The following MAD1L1 variants were observed in gnomAD, a reference collection of about 807,000 sequenced individuals.
MAD1L1 encodes the protein mitotic arrest deficient 1 like 1.
In MAD1L1, 95 loss-of-function variants were observed where a neutral mutation model predicts 96.9. The observed-to-expected ratio is 0.98, with a 90% CI of 0.83 to 1.16. The LOEUF (loss-of-function observed/expected upper bound fraction) is 1.16, where lower values mean the gene tolerates loss of function less well. Ranked by LOEUF, MAD1L1 falls within the 50% of genes most tolerant of loss-of-function variation. MAD1L1 has a pLI of 0.00. For synonymous variants in MAD1L1, 473 were observed against 396.6 expected, an observed-to-expected ratio of 1.19 and a Z score of -2.29; for missense variants, 1,007 against 954.4, an observed-to-expected ratio of 1.06 and a Z score of -0.73.
intron 13 of MAD1L1, among the ~76,000 whole-genome samples, chr7:2,009,555 C>T (rs1488649277): frequency 6.6e-6 from 1 of 152,214 alleles, no homozygotes; most frequent in African/African-American, 2.4e-5. Context: ...AACCAGGCCA[C>T]AGCCCCAGCA....
At chr7:2,210,814 G>A (rs193009576) in intron 10 of MAD1L1, among the ~76,000 whole-genome samples, 10 of 152,368 alleles carry the variant, frequency 6.6e-5, no homozygotes, top group South Asian at 2.1e-4. Flanking sequence ...CCCCCACAGC[G>A]AGGACGGCTC....
chr7:2,123,084 A>G (rs1226934296), intron 11 of MAD1L1, among the ~76,000 whole-genome samples: 3 of 151,966 alleles, frequency 2.0e-5, no homozygotes, highest in African/African-American at 7.3e-5. Flanking sequence ...CAGGTGGATC[A>G]CGAGGTCAGG....
intron 16 of MAD1L1, among the ~76,000 whole-genome samples, chr7:1,942,546 A>G (rs12154473): frequency 0.59 from 89,445 of 151,994 alleles, 26,758 homozygotes; most frequent in Middle Eastern, 0.7. Context: ...GGACGGCCCT[A>G]TGTCCTATAC....
intron 16 of MAD1L1, among the ~76,000 whole-genome samples, chr7:1,954,091 C>T (rs1046135616): frequency 1.3e-5 from 2 of 152,152 alleles, no homozygotes; most frequent in Admixed American, 6.5e-5. Flanking sequence ...CAGCTCGGTG[C>T]CCTCCATCCC....
chr7:1,957,929 G>A (rs1384361305), intron 15 of MAD1L1, among the ~76,000 whole-genome samples: 3 of 152,328 alleles, frequency 2.0e-5, no homozygotes, highest in East Asian at 1.9e-4. Flanking sequence ...AGTCCGTGGC[G>A]GCCCCTGCTC....
chr7:2,107,292 A>G, intron 11 of MAD1L1: 1 of 152,540 alleles, frequency 6.6e-6, no homozygotes, highest in Middle Eastern at 3.4e-3. Flanking sequence ...CTGCAGCCCA[A>G]GCCACAGCAG....
chr7:1,929,770 T>C (rs1425779506), intron 17 of MAD1L1, among the ~76,000 whole-genome samples: 181 of 76,284 alleles, frequency 2.4e-3, no homozygotes, highest in African/African-American at 0.016. Context: ...CCACGTCCCC[T>C]CGCCCCGTCC....
chr7:1,867,666 G>A (rs1466473989), intron 18 of MAD1L1, among the ~76,000 whole-genome samples: 1 of 152,216 alleles, frequency 6.6e-6, no homozygotes, highest in Non-Finnish European at 1.5e-5. Flanking sequence ...GCCTCCTGCA[G>A]GCAGGGAGAA....
intron 11 of MAD1L1, among the ~76,000 whole-genome samples, chr7:2,074,412 C>T (rs1292139222): frequency 2.0e-5 from 3 of 152,208 alleles, no homozygotes; most frequent in Non-Finnish European, 4.4e-5. Context: ...AATGTAGACA[C>T]TCAGAGATGG....
intron 10 of MAD1L1, among the ~76,000 whole-genome samples, chr7:2,192,028 C>G (rs925127083): frequency 1.3e-5 from 2 of 148,974 alleles, no homozygotes; most frequent in Non-Finnish European, 3.0e-5. Context: ...GAGCCTCTGT[C>G]TCGATAAAAA....
chr7:1,940,961 CCCG>C (rs542535863), intron 16 of MAD1L1, among the ~76,000 whole-genome samples: 996 of 64,596 alleles, frequency 0.015, 5 homozygotes, highest in East Asian at 0.034. Flanking sequence ...TCTTCCTCCC[CCCG>C]CAGGCCTCAC....
chr7:1,833,770 C>A (rs10268294), intron 18 of MAD1L1, among the ~76,000 whole-genome samples: 121,956 of 152,136 alleles, frequency 0.8, 49,338 homozygotes, highest in African/African-American at 0.92. Flanking sequence ...GTGAAACCCC[C>A]TCTCTACTAA....
At chr7:2,072,396 G>T (rs1785175395) in intron 11 of MAD1L1, among the ~76,000 whole-genome samples, 1 of 152,222 alleles carries the variant, frequency 6.6e-6, no homozygotes, top group South Asian at 2.1e-4. Flanking sequence ...CTGGCCCCAG[G>T]TGCAGCACTG....
At chr7:2,001,318 C>T (rs1026443176) in intron 14 of MAD1L1, among the ~76,000 whole-genome samples, 6 of 152,272 alleles carry the variant, frequency 3.9e-5, no homozygotes, top group Admixed American at 2.0e-4. Context: ...CCGTCCTTGT[C>T]CTTCACAGAC....
intron 11 of MAD1L1, among the ~76,000 whole-genome samples, chr7:2,116,560 A>C (rs1401186343): frequency 4.0e-5 from 1 of 24,832 alleles, no homozygotes; most frequent in Non-Finnish European, 9.0e-5. Flanking sequence ...GTGGCAGGCC[A>C]GAGGGTTGGG....
At chr7:2,178,157 T>C (rs1295956588) in intron 10 of MAD1L1, among the ~76,000 whole-genome samples, 1 of 152,260 alleles carries the variant, frequency 6.6e-6, no homozygotes, top group Non-Finnish European at 1.5e-5. Context: ...TCTTAAGCTA[T>C]TTAACCTACA....
intron 14 of MAD1L1, among the ~76,000 whole-genome samples, chr7:1,996,708 G>A (rs576460065): frequency 6.6e-6 from 1 of 152,352 alleles, no homozygotes; most frequent in East Asian, 1.9e-4. Flanking sequence ...GGGTGCCCCT[G>A]GGAGCAAGGA....
chr7:2,209,904 A>G (rs955643272), intron 10 of MAD1L1: 4 of 152,274 alleles, frequency 2.6e-5, no homozygotes, highest in Non-Finnish European at 5.9e-5. Flanking sequence ...CAGCAAATGC[A>G]CTCAGCCCTC....
chr7:1,886,354 T>C (rs976522384), intron 18 of MAD1L1, among the ~76,000 whole-genome samples: 2 of 152,218 alleles, frequency 1.3e-5, no homozygotes, highest in African/African-American at 4.8e-5. Context: ...ACAGGGCAGC[T>C]ACCAAGGTCA....
Sources: gnomAD v4.1 joint callset for allele counts (sites outside exome capture counted in the v4.1 genomes callset) on GRCh38, gnomAD v4.1.1 for gene constraint, MANE v1.5 for transcripts, NCBI Gene and HGNC (gene_info 2026-07-23, HGNC 2026-07-21) for gene names.